The following PRAC2 variants were observed in gnomAD, a reference collection of about 807,000 sequenced individuals.
PRAC2 encodes PRAC2 small nuclear protein.
For synonymous variants in PRAC2, 43 were observed against 49.5 expected (o/e 0.87, Z 0.55); for missense variants, 92 against 114.5 (o/e 0.80, Z 0.90).
upstream of PRAC2, chr17:48,722,496 C>A (rs1597928725): frequency 1.0e-6 from 1 of 953,964 alleles, no homozygotes; most frequent in Non-Finnish European, 1.7e-6. Context: ...TCTGTTTGCA[C>A]GCCTTAGGCT....
At chr17:48,722,355 T>C (rs1282573041), upstream of PRAC2, 18 of 1,614,082 alleles carry the variant, frequency 1.1e-5, no homozygotes, top group Non-Finnish European at 1.5e-5. Flanking sequence ...GGTAGTAAGA[T>C]GGGCCGGTCC....
upstream of PRAC2, chr17:48,722,205 CA>C: frequency 1.1e-6 from 1 of 929,068 alleles, no homozygotes; most frequent in Non-Finnish European, 1.7e-6. Context: ...CCTTGTTTCC[CA>C]AAACTTCTGA....
chr17:48,722,537 G>C, upstream of PRAC2: 1 of 698,184 alleles, frequency 1.4e-6, no homozygotes, highest in Non-Finnish European at 2.6e-6. Flanking sequence ...ACAGCACTGG[G>C]TGCCCCTCTC....
At chr17:48,720,398 C>T (rs942173605), upstream of PRAC2, among the ~76,000 whole-genome samples, 1 of 152,208 alleles carries the variant, frequency 6.6e-6, no homozygotes, top group African/African-American at 2.4e-5. Context: ...CACATCTTCC[C>T]TCCCGGATTT....
Position 48,723,253 on chromosome 17 carries a change from A to T in PRAC2, c.-144A>T, listed in dbSNP as rs1044815110. 6.5e-6 allele frequency: 1 copy of T among 154,644 alleles called. No homozygotes were observed. The highest frequency in any genetic ancestry group is 1.4e-5 in the Non-Finnish European group (1 of 69,780). 9.6% of individuals were successfully genotyped at this position (154,644 alleles called of 1,614,324 possible). ...TGAGAATGGTATAAATTTCAAAAAC[A>T]ACGAAACCTTCTTTTGCCCCCTCCG... is the stretch of plus-strand genomic sequence containing the variant. On this transcript the variant is annotated 5_prime_UTR_variant, in exon 1 of 2. Coordinates refer to ENST00000422730, the MANE Select transcript of PRAC2 (RefSeq NM_001282275.2).
chr17:48,724,429 G>T lies in PRAC2; in HGVS notation c.19G>T (p.Ala7Ser). MDRRRMALRPGSRRPTA... is the reference protein window; with the variant it reads MDRRRMSLRPGSRRPTA... ...AGAAGACATGGACAGAAGGCGGATG[G>T]CTCTGCGGCCTGGCTCCCGCAGACC... The change falls in exon 2 of 2, where the codon GCT (alanine) becomes TCT (serine). Residue 7 changes from alanine to serine, a missense_variant. Coordinates refer to ENST00000422730, the MANE Select transcript of PRAC2 (RefSeq NM_001282275.2). The T allele has an allele frequency of 2.4e-6, 3 of 1,234,326 alleles. No individual in the cohort carries two copies. Among genetic ancestry groups the T allele is most frequent in the Non-Finnish European group, 3.0e-6 (3 of 988,144 alleles). 76.5% of individuals were successfully genotyped at this position (1,234,326 alleles called of 1,614,324 possible).
upstream of PRAC2, chr17:48,722,257 T>G: frequency 7.0e-7 from 1 of 1,420,566 alleles, no homozygotes; most frequent in Non-Finnish European, 1.0e-6. Context: ...CAGGGCCTCC[T>G]GATGCAGCTA....
At chr17:48,719,504 G>A (rs966593064), upstream of PRAC2, among the ~76,000 whole-genome samples, 1 of 152,188 alleles carries the variant, frequency 6.6e-6, no homozygotes, top group Admixed American at 6.5e-5. Flanking sequence ...ACAGCCCCCC[G>A]GATAACCCCG....
intron 1 of PRAC2, 116 bp from the exon 2 acceptor site, chr17:48,724,212 C>A: frequency 4.2e-6 from 2 of 480,464 alleles, no homozygotes; most frequent in Non-Finnish European, 6.6e-6. Flanking sequence ...GATTTAAACA[C>A]AAATAAGTGA....
At chr17:48,722,225 A>C, upstream of PRAC2, 1 of 1,107,530 alleles carries the variant, frequency 9.0e-7, no homozygotes, top group Non-Finnish European at 1.4e-6. Context: ...GAAGGCTCCC[A>C]AATTCCTGGG....
At chr17:48,720,994 G>A (rs890273193), upstream of PRAC2, among the ~76,000 whole-genome samples, 8 of 152,114 alleles carry the variant, frequency 5.3e-5, no homozygotes, top group Non-Finnish European at 7.4e-5. Context: ...ATTTCTTTAG[G>A]TTATAAAGTG....
At chr17:48,723,848 A>C in intron 1 of PRAC2, 1 of 1,118,194 alleles carries the variant, frequency 8.9e-7, no homozygotes, top group South Asian at 4.5e-5. Context: ...CTTTGGAGTT[A>C]GAAATTATTT....
chr17:48,719,091 G>C (rs939244024), upstream of PRAC2, among the ~76,000 whole-genome samples: 21 of 152,170 alleles, frequency 1.4e-4, no homozygotes, highest in African/African-American at 4.1e-4. Flanking sequence ...GCGCCGGCGC[G>C]CCCTGTTCAC....
upstream of PRAC2, among the ~76,000 whole-genome samples, chr17:48,718,832 G>A (rs2038118997): frequency 6.6e-6 from 1 of 152,198 alleles, no homozygotes; most frequent in African/African-American, 2.4e-5. Context: ...GCAAATTGGT[G>A]GGGACGGGTA....
At position 48,724,491 on chromosome 17, in the gene PRAC2, G is replaced by A. The variant is rs2038183190; in HGVS notation, c.81G>A (p.Pro27=). 3 of 1,234,042 alleles carry A rather than the reference G, an allele frequency of 2.4e-6. No homozygotes were observed. In the South Asian group the frequency reaches 1.2e-4, roughly 51 times the overall value. 76.4% of individuals were successfully genotyped at this position (1,234,042 alleles called of 1,614,324 possible). ...TCTTCCATTCGAGATGGCTCGTACC[G>A]AACCTCCTTGCCTTCTTCCTGGGTC... The part of the protein sequence containing the change: ...AFFFHSRWLV[P]NLLAFFLGLS... The change falls in exon 2 of 2, where the codon CCG becomes CCA. Residue 27 remains proline, a synonymous_variant. Coordinates refer to ENST00000422730, the MANE Select transcript of PRAC2 (RefSeq NM_001282275.2).
upstream of PRAC2, among the ~76,000 whole-genome samples, chr17:48,720,602 G>C (rs1042383926): frequency 3.3e-5 from 5 of 152,192 alleles, no homozygotes; most frequent in Non-Finnish European, 7.3e-5. Flanking sequence ...ACCAGCATAG[G>C]AGTCAGGCCT....
intron 1 of PRAC2, chr17:48,723,819 G>A (rs147141317): frequency 6.3e-5 from 75 of 1,198,636 alleles, no homozygotes; most frequent in Non-Finnish European, 7.5e-5. Flanking sequence ...GCTTCTGGAG[G>A]CCTAATAAAA....
At chr17:48,721,989 G>C (rs1367003432), upstream of PRAC2, 2 of 1,337,628 alleles carry the variant, frequency 1.5e-6, no homozygotes, top group Non-Finnish European at 2.0e-6. Flanking sequence ...TCCCATTGGA[G>C]ACAAACATTA....
chr17:48,720,790 T>C (rs2143037535), upstream of PRAC2, among the ~76,000 whole-genome samples: 1 of 152,202 alleles, frequency 6.6e-6, no homozygotes, highest in South Asian at 2.1e-4. Context: ...TCTAGGGTGT[T>C]TGGGTGCACC....
Sources: gnomAD v4.1 joint callset for allele counts (sites outside exome capture counted in the v4.1 genomes callset) on GRCh38, gnomAD v4.1.1 for gene constraint, MANE v1.5 for transcripts, NCBI Gene and HGNC (gene_info 2026-07-23, HGNC 2026-07-21) for gene names.